RTF1: variants seen among roughly 807,000 people sequenced by gnomAD.
RTF1 encodes the protein RTF1 homolog, Paf1/RNA polymerase II complex component, also known as RNA polymerase-associated protein RTF1 homolog.
Under a neutral mutation model 95.7 loss-of-function variants are expected in RTF1, and 10 were observed. The ratio of observed to expected loss-of-function variants is 0.10; its 90% CI spans 0.06 to 0.18. The LOEUF is 0.18. Ranked by LOEUF, RTF1 falls within the 10% of genes least tolerant of loss-of-function variation. The pLI, the probability that RTF1 is intolerant of heterozygous loss-of-function variation, is 1.00. For missense variants in RTF1, 458 were observed against 875.6 expected, an observed-to-expected ratio of 0.52 and a Z score of 6.02; for synonymous variants, 305 against 311.8, an observed-to-expected ratio of 0.98 and a Z score of 0.23.
chr15:41,434,367 A>G (rs770947371), intron 1 of RTF1, among the ~76,000 whole-genome samples: 3 of 152,170 alleles, frequency 2.0e-5, no homozygotes, highest in Non-Finnish European at 2.9e-5. Context: ...GAGACAAACT[A>G]TAGTAATGAT....
At chr15:41,457,898 T>TGGGG in intron 4 of RTF1, 22 bp downstream of exon 4, 2 of 1,505,702 alleles carry the variant, frequency 1.3e-6, no homozygotes, top group East Asian at 2.4e-5. Flanking sequence ...CTCGTCGTTG[T>TGGGG]CCCCCCCCCG....
At position 41,474,968 on chromosome 15, in the gene RTF1, G is replaced by A. The variant is rs554947917; in HGVS notation, c.1286+266G>A. ...TTATGAGAGACCCTCCCAGAGCCTC[G>A]CTGGCATTTCCTTGGCAAGCATGTC... On this transcript the variant is annotated intron_variant, in intron 9 of 17. Transcript: ENST00000389629. Among the ~76,000 whole-genome samples, 90 of 152,262 alleles carry A rather than the reference G, an allele frequency of 5.9e-4. 1 individual carries two copies. In the South Asian group the frequency reaches 0.018, roughly 31 times the overall value.
intron 2 of RTF1, among the ~76,000 whole-genome samples, chr15:41,442,170 A>AT (rs772693444): frequency 0.011 from 1,505 of 138,528 alleles, 9 homozygotes; most frequent in South Asian, 0.027. Context: ...TTTCATAATG[A>AT]TTTTTTTTTT....
At chr15:41,479,324 T>A in intron 16 of RTF1, 126 bp downstream of exon 16, 1 of 620,270 alleles carries the variant, frequency 1.6e-6, no homozygotes. Flanking sequence ...TTGGAGTCCC[T>A]TCTCCATCCC....
chr15:41,447,811 G>A (rs140893450), intron 2 of RTF1, among the ~76,000 whole-genome samples: 212 of 152,260 alleles, frequency 1.4e-3, no homozygotes, highest in Non-Finnish European at 2.5e-3. Flanking sequence ...CTTATGTTTG[G>A]TGCATTTGAG....
intron 4 of RTF1, among the ~76,000 whole-genome samples, chr15:41,462,141 T>A (rs546058646): frequency 6.6e-6 from 1 of 152,090 alleles, no homozygotes; most frequent in South Asian, 2.1e-4. Flanking sequence ...AAAATTGATA[T>A]TTTAGTAGTT....
intron 2 of RTF1, chr15:41,448,610 T>G (rs2050774703): frequency 6.6e-6 from 1 of 152,060 alleles, no homozygotes; most frequent in Non-Finnish European, 1.5e-5. Flanking sequence ...TCCCAGCTAC[T>G]CGGGAGGCTG....
intron 4 of RTF1, among the ~76,000 whole-genome samples, chr15:41,463,516 C>T (rs1184813873): frequency 2.0e-5 from 3 of 152,078 alleles, no homozygotes; most frequent in Non-Finnish European, 4.4e-5. Context: ...CTCACTCTGT[C>T]GCCCAGGCTA....
At chr15:41,468,337 A>C (rs986333081) in intron 6 of RTF1, among the ~76,000 whole-genome samples, 45 of 149,322 alleles carry the variant, frequency 3.0e-4, no homozygotes, top group African/African-American at 1.1e-3. Flanking sequence ...TTTTTTTTTG[A>C]GACGGAGTCT....
rs1009300609 is a variant in RTF1 at position 41,470,490 on chromosome 15, C to G, written c.1025+98C>G. The G allele has an allele frequency of 8.7e-6, 11 of 1,271,248 alleles. No individual in the cohort carries two copies. In the African/African-American group the frequency reaches 1.3e-4, roughly 15 times the overall value. The allele number at this position is 1,271,248 out of a possible 1,614,324, so 78.7% of individuals were successfully genotyped here. A position where few individuals can be genotyped will look rare whatever the true frequency, so the allele number is the denominator to read the frequency against. On this transcript the variant is annotated intron_variant, in intron 7 of 17. Coordinates refer to ENST00000389629, the MANE Select transcript of RTF1 (RefSeq NM_015138.5). Reference sequence around the variant, plus strand: ...AAAATCTCCCTGGTTGGGCCACTAACTCTGACATGGTTACCTTTGGTTTGC... The same window carrying G: ...AAAATCTCCCTGGTTGGGCCACTAAGTCTGACATGGTTACCTTTGGTTTGC...
intron 6 of RTF1, among the ~76,000 whole-genome samples, chr15:41,468,027 T>A (rs770270023): frequency 7.3e-5 from 11 of 151,686 alleles, no homozygotes; most frequent in Non-Finnish European, 1.5e-4. Flanking sequence ...TAGTCAGGCG[T>A]GGTAGCACAT....
At chr15:41,437,109 C>T (rs190189145) in intron 1 of RTF1, among the ~76,000 whole-genome samples, 4 of 151,382 alleles carry the variant, frequency 2.6e-5, no homozygotes, top group Admixed American at 6.6e-5. Context: ...CAATAAAAAC[C>T]AAGAACAACA....
intron 1 of RTF1, among the ~76,000 whole-genome samples, chr15:41,432,844 C>T (rs542618351): frequency 6.6e-6 from 1 of 152,066 alleles, no homozygotes; most frequent in East Asian, 1.9e-4. Flanking sequence ...GAGGCTGAGG[C>T]AGGAGAATTG....
intron 2 of RTF1, among the ~76,000 whole-genome samples, chr15:41,442,477 G>A (rs2050740730): frequency 1.3e-5 from 2 of 151,818 alleles, no homozygotes; most frequent in South Asian, 2.1e-4. Flanking sequence ...TTATTAATAC[G>A]TCTTTCGTGG....
In RTF1 at chr15:41,474,506, C is replaced by G. The variant is rs868061772; in HGVS notation, c.1204-114C>G. ...TCAGAACCCCTGGCAGCTGTGGACT[C>G]TACTCAGCACTCTATCAGTTGTCTG... On this transcript the variant is annotated intron_variant, in intron 8 of 17. Transcript: ENST00000389629. The G allele has an allele frequency of 4.5e-5, 35 of 778,934 alleles. 1 individual carries two copies. In the Middle Eastern group the frequency reaches 2.3e-3, roughly 52 times the overall value. 48.3% of individuals were successfully genotyped at this position (778,934 alleles called of 1,614,324 possible).
intron 2 of RTF1, 74 bp downstream of exon 2, chr15:41,438,505 C>A: frequency 1.1e-6 from 1 of 934,642 alleles, no homozygotes; most frequent in Non-Finnish European, 1.6e-6. Flanking sequence ...TCCTGTTGGC[C>A]TCATTTCCTT....
At position 41,480,720 on chromosome 15, in the gene RTF1, G is replaced by A; in HGVS notation, c.*33G>A. ...CAGCCTGCTGCTTCTGACCCTGCATGCCCCATCGCAGCGTCCCACCTTTCC... is the reference window on the plus strand; with the variant it reads ...CAGCCTGCTGCTTCTGACCCTGCATACCCCATCGCAGCGTCCCACCTTTCC... On this transcript the variant is annotated 3_prime_UTR_variant, in exon 18 of 18. Transcript: ENST00000389629. The A allele has an allele frequency of 1.4e-6, 2 of 1,463,320 alleles. No homozygotes were observed. The highest frequency in any genetic ancestry group is 1.4e-5 in the African/African-American group (1 of 72,038). 90.6% of individuals were successfully genotyped at this position (1,463,320 alleles called of 1,614,324 possible).
chr15:41,470,355 C>T lies in RTF1; in HGVS notation c.988C>T (p.Arg330Cys), dbSNP rs745445939. The change falls in exon 7 of 18, where the codon CGC (arginine) becomes TGC (cysteine). Residue 330 changes from arginine to cysteine, a missense_variant. Physicochemically the swap from Arg to Cys is radical, Grantham distance 180. Transcript: ENST00000389629. ...EDDKSSEKSD[R>C]SSRTSSSDEE... ...TGACAAATCCAGTGAAAAGTCAGAC[C>T]GCTCATCACGAACATCATCGTCTGA... 16 of 1,613,804 alleles carry T rather than the reference C, an allele frequency of 9.9e-6. No homozygotes were observed. Among genetic ancestry groups the T allele is most frequent in the Middle Eastern group, 1.6e-4 (1 of 6,084 alleles).
intron 1 of RTF1, among the ~76,000 whole-genome samples, chr15:41,418,230 C>T (rs2050581842): frequency 6.6e-6 from 1 of 152,122 alleles, no homozygotes; most frequent in Non-Finnish European, 1.5e-5. Context: ...GTTTAATGAG[C>T]AAATGATGTA....
Sources: allele counts gnomAD v4.1 joint callset (sites outside exome capture counted in the v4.1 genomes callset), GRCh38; gene constraint gnomAD v4.1.1; transcripts MANE v1.5; gene names NCBI Gene and HGNC (gene_info 2026-07-23, HGNC 2026-07-21).